The following LYRM4 variants were observed in gnomAD, a reference collection of about 807,000 sequenced individuals.
The protein encoded by LYRM4 is LYR motif containing 4.
A neutral mutation model predicts 11.7 loss-of-function variants in LYRM4; 9 were observed. The observed-to-expected ratio is 0.77, with a 90% confidence interval of 0.46 to 1.34. The LOEUF is 1.34. LYRM4 is among the 40% of genes most tolerant of loss of function. LYRM4 has a pLI of 0.00. For synonymous variants in LYRM4, 42 were observed against 40.4 expected, an observed-to-expected ratio of 1.04 and a Z score of -0.15; for missense variants, 133 against 112.5, an observed-to-expected ratio of 1.18 and a Z score of -0.82.
chr6:5,040,352 G>GATAGATAC, the LYRM4 span, among the ~76,000 whole-genome samples: 18,921 of 129,028 alleles, frequency 0.15, 1,451 homozygotes, highest in Non-Finnish European at 0.17. Flanking sequence ...TAGATAGATA[G>GATAGATAC]ATACATACAT....
intron 1 of LYRM4, among the ~76,000 whole-genome samples, chr6:5,255,379 G>T (rs1230670508): frequency 6.6e-6 from 1 of 152,182 alleles, no homozygotes; most frequent in African/African-American, 2.4e-5. Flanking sequence ...ACATGAAAGA[G>T]ACTTGCACTA....
chr6:5,109,416 C>T lies in LYRM4; in HGVS notation c.*7G>A, dbSNP rs186047319. ...CTGGCCGCCACTGGTGGCTGGTCCC[C>T]GGCTTGCTAGGTCCTGGGCATGTCT... is the stretch of plus-strand genomic sequence containing the variant. On this transcript the variant is annotated 3_prime_UTR_variant, in exon 3 of 3. Transcript: ENST00000330636. 5.2e-4 allele frequency: 844 copies of T among 1,613,842 alleles called. 5 individuals are homozygous for T. In the East Asian group the frequency reaches 6.2e-3, roughly 12 times the overall value.
intron 2 of LYRM4, among the ~76,000 whole-genome samples, chr6:5,152,961 G>T (rs1758177540): frequency 6.6e-6 from 1 of 152,170 alleles, no homozygotes; most frequent in South Asian, 2.1e-4. Context: ...TATATCCTTA[G>T]TAGCATACTT....
chr6:5,081,567 C>G, the LYRM4 span, among the ~76,000 whole-genome samples: 1 of 152,020 alleles, frequency 6.6e-6, no homozygotes, highest in Non-Finnish European at 1.5e-5. Flanking sequence ...CAGGGCTGCT[C>G]AAAGCTCAGT....
At chr6:5,087,457 A>C in the LYRM4 span, 1 of 152,320 alleles carries the variant, frequency 6.6e-6, no homozygotes, top group East Asian at 1.9e-4. Flanking sequence ...GGTGAATTGA[A>C]ATGCCAGTCC....
At chr6:5,177,886 C>G (rs189745530) in intron 2 of LYRM4, among the ~76,000 whole-genome samples, 100 of 152,310 alleles carry the variant, frequency 6.6e-4, no homozygotes, top group African/African-American at 2.3e-3. Context: ...TCACGCGCTC[C>G]TCAACACTGC....
At chr6:5,238,998 G>A (rs996288437) in intron 1 of LYRM4, among the ~76,000 whole-genome samples, 5 of 152,138 alleles carry the variant, frequency 3.3e-5, no homozygotes, top group Non-Finnish European at 5.9e-5. Context: ...ACTTTTACAC[G>A]CATGTGTTAA....
rs573486531 is a variant in LYRM4, at chr6:5,225,154, A to T, written c.87-8416T>A. On this transcript the variant is annotated intron_variant, in intron 1 of 2. Transcript: ENST00000330636. Reference sequence around the variant, plus strand: ...TCCCAGCTACTTGGGTGGCTGAGGCAGGAGAATGGCGTGAACCTGGGAGGC... The same window carrying T: ...TCCCAGCTACTTGGGTGGCTGAGGCTGGAGAATGGCGTGAACCTGGGAGGC... Among the ~76,000 whole-genome samples, 9 of 150,722 alleles carry T rather than the reference A, an allele frequency of 6.0e-5. No homozygotes were observed. The South Asian group carries it at 1.9e-3, about 32-fold the overall frequency.
At chr6:5,174,392 T>C (rs1759601206) in intron 2 of LYRM4, among the ~76,000 whole-genome samples, 1 of 152,180 alleles carries the variant, frequency 6.6e-6, no homozygotes, top group African/African-American at 2.4e-5. Context: ...AAATGAGGAC[T>C]ATATGCATCT....
At chr6:5,177,121 A>G (rs775628882) in intron 2 of LYRM4, among the ~76,000 whole-genome samples, 1 of 152,236 alleles carries the variant, frequency 6.6e-6, no homozygotes, top group African/African-American at 2.4e-5. Context: ...CACCATCGAC[A>G]GCTGCCAGAG....
chr6:5,245,487 G>C (rs62385047), intron 1 of LYRM4, among the ~76,000 whole-genome samples: 2,506 of 152,198 alleles, frequency 0.016, 33 homozygotes, highest in Non-Finnish European at 0.027. Flanking sequence ...TAGTGAAAAT[G>C]TGGCAAGAGT....
chr6:5,129,775 A>T (rs544300138), intron 2 of LYRM4, among the ~76,000 whole-genome samples: 1 of 152,328 alleles, frequency 6.6e-6, no homozygotes, highest in Non-Finnish European at 1.5e-5. Context: ...TTAAAAATGT[A>T]ATGTATCTTA....
chr6:5,077,487 G>C, the LYRM4 span, among the ~76,000 whole-genome samples: 37 of 152,060 alleles, frequency 2.4e-4, no homozygotes, highest in Non-Finnish European at 4.3e-4. Flanking sequence ...GGTTTTTTCT[G>C]TTCATCAGTT....
intron 2 of LYRM4, among the ~76,000 whole-genome samples, chr6:5,144,804 C>T (rs995895673): frequency 8.5e-5 from 13 of 152,146 alleles, no homozygotes; most frequent in African/African-American, 2.2e-4. Flanking sequence ...CCGGGCTGCC[C>T]GGCCTTCCCT....
At chr6:5,049,752 C>A in the LYRM4 span, among the ~76,000 whole-genome samples, 1 of 151,916 alleles carries the variant, frequency 6.6e-6, no homozygotes, top group South Asian at 2.1e-4. Flanking sequence ...TCACTGCAAC[C>A]TCCACCTCCC....
At chr6:5,104,248 A>G (rs1009466073), downstream of LYRM4, 1 of 152,002 alleles carries the variant, frequency 6.6e-6, no homozygotes, top group African/African-American at 2.4e-5. Context: ...TAAAATCTTT[A>G]TAAGGGTCTT....
In LYRM4 at chr6:5,172,936, T is replaced by A. The variant is rs1032217874; in HGVS notation, c.207+43682A>T. On this transcript the variant is annotated intron_variant, in intron 2 of 2. Transcript: ENST00000330636. ...TGATAAAAACAACCTCCCCAAATGA[T>A]CTGGAGTCAAGCTGAAGAGCAGCTT... Among the ~76,000 whole-genome samples, 10 of 152,198 alleles carry A rather than the reference T, an allele frequency of 6.6e-5. 1 individual carries two copies. The highest frequency in any genetic ancestry group is 6.5e-4 in the Admixed American group (10 of 15,282).
At chr6:5,120,761 G>T (rs1469298385) in intron 2 of LYRM4, among the ~76,000 whole-genome samples, 1 of 152,126 alleles carries the variant, frequency 6.6e-6, no homozygotes, top group Non-Finnish European at 1.5e-5. Context: ...CATTTTTACA[G>T]AGCACTGATT....
chr6:5,214,727 A>AC (rs1169211650), intron 2 of LYRM4, among the ~76,000 whole-genome samples: 1 of 152,216 alleles, frequency 6.6e-6, no homozygotes, highest in Non-Finnish European at 1.5e-5. Flanking sequence ...CGGGGGAGCC[A>AC]CTGTGCCTTA....
Sources: gnomAD v4.1 joint callset for allele counts (sites outside exome capture counted in the v4.1 genomes callset) on GRCh38, gnomAD v4.1.1 for gene constraint, MANE v1.5 for transcripts, NCBI Gene and HGNC (gene_info 2026-07-23, HGNC 2026-07-21) for gene names.